Variants in CAMK1D observed in about 807,000 individuals in gnomAD.
The protein encoded by CAMK1D is calcium/calmodulin dependent protein kinase ID.
Under a neutral mutation model 47.7 loss-of-function variants are expected in CAMK1D, and 9 were observed. The observed-to-expected ratio is 0.19, with a 90% CI of 0.11 to 0.33. CAMK1D has a LOEUF of 0.33. CAMK1D is among the 10% of genes least tolerant of loss of function. The probability of loss-of-function intolerance (pLI) is 1.00; values close to 1 mark genes in which losing one functional copy is unlikely to be tolerated. For missense variants in CAMK1D, 291 were observed against 488.7 expected, an observed-to-expected ratio of 0.60 and a Z score of 3.81; for synonymous variants, 184 against 184.9, an observed-to-expected ratio of 0.99 and a Z score of 0.04.
At chr10:12,709,004 C>T (rs1449352298) in intron 3 of CAMK1D, among the ~76,000 whole-genome samples, 2 of 152,210 alleles carry the variant, frequency 1.3e-5, no homozygotes, top group Non-Finnish European at 1.5e-5. Context: ...GCACCCATGC[C>T]CTGGGGCCTG....
At chr10:12,589,751 A>T (rs556778836) in intron 2 of CAMK1D, among the ~76,000 whole-genome samples, 2 of 152,304 alleles carry the variant, frequency 1.3e-5, no homozygotes, top group East Asian at 3.9e-4. Flanking sequence ...ACTTCCTAGG[A>T]ACACAGACTT....
intron 3 of CAMK1D, among the ~76,000 whole-genome samples, chr10:12,704,422 T>C (rs1833651682): frequency 1.3e-5 from 2 of 152,178 alleles, no homozygotes; most frequent in South Asian, 4.1e-4. Flanking sequence ...TGTGGGCATG[T>C]TGAGACATTT....
chr10:12,637,859 G>A (rs1839553678), intron 2 of CAMK1D, among the ~76,000 whole-genome samples: 1 of 152,134 alleles, frequency 6.6e-6, no homozygotes, highest in South Asian at 2.1e-4. Flanking sequence ...AGTTTGGCAT[G>A]CAAATGAGAA....
intron 1 of CAMK1D, among the ~76,000 whole-genome samples, chr10:12,368,953 G>C (rs1250627353): frequency 2.6e-5 from 4 of 152,056 alleles, no homozygotes; most frequent in Non-Finnish European, 4.4e-5. Flanking sequence ...GAGTAGCTGG[G>C]ACTACAGGCA....
intron 8 of CAMK1D, among the ~76,000 whole-genome samples, chr10:12,819,545 T>G (rs1403433006): frequency 6.6e-6 from 1 of 152,144 alleles, no homozygotes; most frequent in Non-Finnish European, 1.5e-5. Flanking sequence ...ATAACAATAA[T>G]ACGGACCCCG....
intron 1 of CAMK1D, among the ~76,000 whole-genome samples, chr10:12,358,875 T>C (rs1448570906): frequency 6.6e-6 from 1 of 152,204 alleles, no homozygotes; most frequent in Non-Finnish European, 1.5e-5. Flanking sequence ...CCCTTGGACA[T>C]TTGGGGCAGG....
At chr10:12,649,883 G>C (rs1839912459) in intron 2 of CAMK1D, among the ~76,000 whole-genome samples, 2 of 152,290 alleles carry the variant, frequency 1.3e-5, no homozygotes, top group African/African-American at 4.8e-5. Context: ...GTGGAGTAAA[G>C]TGAAGTTCCA....
intron 3 of CAMK1D, among the ~76,000 whole-genome samples, chr10:12,734,373 T>G (rs1159426502): frequency 1.6e-3 from 21 of 13,494 alleles, no homozygotes; most frequent in South Asian, 6.7e-3. Context: ...TATATATATA[T>G]ATATAGATAT....
chr10:12,816,606 C>T (rs1351768903), intron 8 of CAMK1D, among the ~76,000 whole-genome samples: 1 of 152,058 alleles, frequency 6.6e-6, no homozygotes, highest in Non-Finnish European at 1.5e-5. Flanking sequence ...CATGGTGGCT[C>T]ATGCCTGTAA....
intron 6 of CAMK1D, among the ~76,000 whole-genome samples, chr10:12,800,972 G>T (rs1014954488): frequency 1.3e-5 from 2 of 152,174 alleles, no homozygotes; most frequent in Non-Finnish European, 2.9e-5. Context: ...AAAGTATGTT[G>T]CATCATTTTC....
chr10:12,377,179 C>CAAACA (rs897870833), intron 1 of CAMK1D, among the ~76,000 whole-genome samples: 1 of 151,696 alleles, frequency 6.6e-6, no homozygotes, highest in Admixed American at 6.6e-5. Flanking sequence ...AGGCTGTTGG[C>CAAACA]AAACAAAACA....
chr10:12,429,546 G>T (rs1840369763), intron 1 of CAMK1D, among the ~76,000 whole-genome samples: 1 of 151,972 alleles, frequency 6.6e-6, no homozygotes, highest in Admixed American at 6.6e-5. Flanking sequence ...TACCATATTG[G>T]CCAGGCTGGT....
rs924768693 is a variant in CAMK1D at position 12,773,897 on chromosome 10, C to G, written c.565+4098C>G. ...CTGGGCAATAGAGTGAGACTCATCT[C>G]AAAAACAAAAAAATGAGAGAATACA... On this transcript the variant is annotated intron_variant, in intron 5 of 10. Transcript: ENST00000619168. Among the ~76,000 whole-genome samples, 9 of 151,548 alleles carry G rather than the reference C, an allele frequency of 5.9e-5. No homozygotes were observed. In the South Asian group the frequency reaches 8.3e-4, roughly 14 times the overall value.
chr10:12,669,204 C>T (rs1167128406), intron 3 of CAMK1D, among the ~76,000 whole-genome samples: 4 of 151,734 alleles, frequency 2.6e-5, no homozygotes, highest in African/African-American at 4.8e-5. Context: ...TGTACTCCAG[C>T]CTGGGCGACA....
rs1838144229 is a variant in CAMK1D, at chr10:12,596,247, G to C, written c.224+42891G>C. Among the ~76,000 whole-genome samples, 8 of 152,166 alleles carry C rather than the reference G, an allele frequency of 5.3e-5. No homozygotes were observed. The South Asian group carries it at 1.7e-3, about 32-fold the overall frequency. On this transcript the variant is annotated intron_variant, in intron 2 of 10. Transcript: ENST00000619168. ...TGAGCATTAAAGGATTCATGAGTTG[G>C]GCAGCCCTCACAAACAGAAGAGGTT...
At chr10:12,487,645 G>T (rs539373022) in intron 1 of CAMK1D, among the ~76,000 whole-genome samples, 126 of 152,366 alleles carry the variant, frequency 8.3e-4, no homozygotes, top group Non-Finnish European at 1.2e-4. Context: ...GATCCCAGAA[G>T]AAAGGTGTCA....
chr10:12,648,482 CT>C (rs945121091), intron 2 of CAMK1D, among the ~76,000 whole-genome samples: 1 of 152,036 alleles, frequency 6.6e-6, no homozygotes, highest in Non-Finnish European at 1.5e-5. Flanking sequence ...TACTTACTTA[CT>C]TTTTTGAGAT....
intron 3 of CAMK1D, among the ~76,000 whole-genome samples, chr10:12,707,600 G>A (rs928603864): frequency 6.6e-6 from 1 of 152,206 alleles, no homozygotes. Context: ...TCAGAAAATA[G>A]AGAGCTAGGG....
At chr10:12,813,509 A>G (rs1208848063) in intron 6 of CAMK1D, among the ~76,000 whole-genome samples, 1 of 152,170 alleles carries the variant, frequency 6.6e-6, no homozygotes, top group Non-Finnish European at 1.5e-5. Flanking sequence ...CAGTAAGATC[A>G]ATAACATTTA....
Sources: gnomAD v4.1 joint callset for allele counts (sites outside exome capture counted in the v4.1 genomes callset) on GRCh38, gnomAD v4.1.1 for gene constraint, MANE v1.5 for transcripts, NCBI Gene and HGNC (gene_info 2026-07-23, HGNC 2026-07-21) for gene names.